The following RABGAP1L variants were observed in gnomAD, a reference collection of about 807,000 sequenced individuals.
The protein encoded by RABGAP1L is RAB GTPase activating protein 1 like, also known as rab GTPase-activating protein 1-like.
In RABGAP1L, 63 loss-of-function variants were observed where a neutral mutation model predicts 137.7. That is an observed-to-expected ratio of 0.46 (90% CI 0.37 to 0.56). The LOEUF (loss-of-function observed/expected upper bound fraction) is 0.56, where lower values mean the gene tolerates loss of function less well. Ranked by LOEUF, RABGAP1L falls within the 20% of genes least tolerant of loss-of-function variation. The probability of loss-of-function intolerance (pLI) is 0.00; values close to 1 mark genes in which losing one functional copy is unlikely to be tolerated. For synonymous variants in RABGAP1L, 431 were observed against 433.7 expected, an observed-to-expected ratio of 0.99 and a Z score of 0.08; for missense variants, 1,095 against 1,244.0, an observed-to-expected ratio of 0.88 and a Z score of 1.80.
At chr1:174,344,659 A>G in intron 11 of RABGAP1L, among the ~76,000 whole-genome samples, 1 of 152,196 alleles carries the variant, frequency 6.6e-6, no homozygotes, top group East Asian at 1.9e-4. Flanking sequence ...TTGTGAGTGC[A>G]CTGGCCACTG....
Position 174,307,310 on chromosome 1 carries a change from A to G in RABGAP1L, c.1465+2183A>G, listed in dbSNP as rs1678374172. On this transcript the variant is annotated intron_variant, in intron 11 of 25. Transcript: ENST00000681986. ...TTAAAACTAAGGTAAAATTCACATA[A>G]CATGAAAATAACATGAAAACTTAAA... is the stretch of plus-strand genomic sequence containing the variant. Among the ~76,000 whole-genome samples the G allele has an allele frequency of 1.3e-5, 2 of 152,114 alleles. 1 individual carries two copies. Among genetic ancestry groups the G allele is most frequent in the South Asian group, 4.1e-4 (2 of 4,834 alleles).
intron 11 of RABGAP1L, among the ~76,000 whole-genome samples, chr1:174,321,639 T>A (rs950094954): frequency 7.9e-5 from 12 of 152,336 alleles, no homozygotes; most frequent in South Asian, 4.1e-4. Flanking sequence ...GGCAAATATA[T>A]GCTCCCATTT....
At chr1:174,619,005 G>A (rs545836366) in intron 13 of RABGAP1L, among the ~76,000 whole-genome samples, 3 of 152,340 alleles carry the variant, frequency 2.0e-5, no homozygotes, top group African/African-American at 7.2e-5. Flanking sequence ...ACAAGCCTCA[G>A]TAGCCGATTT....
chr1:174,350,237 G>T (rs1410895408), intron 11 of RABGAP1L, among the ~76,000 whole-genome samples: 6 of 134,604 alleles, frequency 4.5e-5, no homozygotes, highest in Non-Finnish European at 9.8e-5. Context: ...GGGCGGAGAC[G>T]CTCCTCACTT....
chr1:174,610,873 A>G (rs1572499509), intron 13 of RABGAP1L, among the ~76,000 whole-genome samples: 1 of 152,088 alleles, frequency 6.6e-6, no homozygotes, highest in African/African-American at 2.4e-5. Context: ...GTGTCTGTTC[A>G]TGTCCTTTGC....
chr1:174,176,738 A>AT lies in RABGAP1L; in HGVS notation c.-34+17081_-34+17082insT, dbSNP rs1307771023. Among the ~76,000 whole-genome samples the AT allele has an allele frequency of 8.9e-4, 126 of 141,484 alleles. 3 individuals carry two copies. Among genetic ancestry groups the AT allele is most frequent in the African/African-American group, 1.5e-3 (54 of 36,268 alleles). 92.8% of individuals were successfully genotyped at this position (141,484 alleles called of 152,430 possible). On this transcript the variant is annotated intron_variant, in intron 1 of 25. Coordinates refer to ENST00000681986, the MANE Select transcript of RABGAP1L (RefSeq NM_001366446.1). ...GAAAAAAAAAAAAAAAAAAAAAAAA[A>AT]AAAAAAAAGGTCAACATTTGTTAAT...
intron 13 of RABGAP1L, among the ~76,000 whole-genome samples, chr1:174,550,921 CATATAT>C (rs1386199205): frequency 6.6e-5 from 6 of 90,940 alleles, no homozygotes; most frequent in South Asian, 3.2e-4. Flanking sequence ...CACACACACA[CATATAT>C]ATATACACAT....
rs538544490 is a variant in RABGAP1L at position 174,589,970 on chromosome 1, C to T, written c.1711-47405C>T. ...CTTTCATGGGTTCCATCAAAATTTA[C>T]GATTATTTATTTATATTTCTGTGAA... On this transcript the variant is annotated intron_variant, in intron 13 of 25. Coordinates refer to ENST00000681986, the MANE Select transcript of RABGAP1L (RefSeq NM_001366446.1). Among the ~76,000 whole-genome samples, 6 of 152,052 alleles carry T rather than the reference C, an allele frequency of 3.9e-5. No individual in the cohort carries two copies. The East Asian group carries it at 9.7e-4, about 24-fold the overall frequency.
chr1:174,167,431 C>T (rs1272452889), intron 1 of RABGAP1L, among the ~76,000 whole-genome samples: 3 of 152,058 alleles, frequency 2.0e-5, no homozygotes, highest in African/African-American at 4.8e-5. Flanking sequence ...ATCATTAGTT[C>T]TTGGAATTTG....
chr1:174,954,406 T>C (rs1169873473), intron 19 of RABGAP1L: 2 of 152,224 alleles, frequency 1.3e-5, no homozygotes, highest in African/African-American at 4.8e-5. Flanking sequence ...GAGAGTGTTA[T>C]TGCCTTTTTT....
intron 21 of RABGAP1L, among the ~76,000 whole-genome samples, chr1:174,973,988 T>TG (rs1558297463): frequency 2.7e-5 from 3 of 111,570 alleles, no homozygotes; most frequent in South Asian, 3.5e-4. Context: ...TGTTTTTTTT[T>TG]TTTTTTTTTT....
At chr1:174,589,981 T>C (rs1485132361) in intron 13 of RABGAP1L, among the ~76,000 whole-genome samples, 2 of 152,184 alleles carry the variant, frequency 1.3e-5, no homozygotes, top group African/African-American at 2.4e-5. Flanking sequence ...GATTATTTAT[T>C]TATATTTCTG....
At chr1:174,879,961 C>T (rs1653879197) in intron 19 of RABGAP1L, among the ~76,000 whole-genome samples, 1 of 151,294 alleles carries the variant, frequency 6.6e-6, no homozygotes, top group African/African-American at 2.4e-5. Flanking sequence ...GGCATAGTGG[C>T]GCATGCCCAT....
rs1165322246 is a variant in RABGAP1L at position 174,389,724 on chromosome 1, A to G, written c.1560-4271A>G. Among the ~76,000 whole-genome samples, 3 of 152,116 alleles carry G rather than the reference A, an allele frequency of 2.0e-5. No individual in the cohort carries two copies. In the East Asian group the frequency reaches 5.8e-4, roughly 29 times the overall value. On this transcript the variant is annotated intron_variant, in intron 12 of 25. Transcript: ENST00000681986. The stretch of plus-strand genomic sequence containing the variant: ...TCATTCACTTACCAAAAATGTATTA[A>G]ATGCCTTTTATATGTGGGGCACTGT...
At chr1:174,741,212 A>G (rs1464792306) in intron 17 of RABGAP1L, among the ~76,000 whole-genome samples, 1 of 152,024 alleles carries the variant, frequency 6.6e-6, no homozygotes, top group Non-Finnish European at 1.5e-5. Context: ...CTATAGTATC[A>G]GGTTTTACTT....
intron 14 of RABGAP1L, among the ~76,000 whole-genome samples, chr1:174,683,251 T>C (rs988987072): frequency 6.6e-6 from 1 of 152,046 alleles, no homozygotes; most frequent in African/African-American, 2.4e-5. Context: ...ATAATAGATC[T>C]TTTAATATTA....
At chr1:174,682,271 A>ACTCTCT (rs148219630) in intron 14 of RABGAP1L, among the ~76,000 whole-genome samples, 34 of 140,758 alleles carry the variant, frequency 2.4e-4, no homozygotes, top group East Asian at 6.2e-4. Context: ...ACAAAGCAAA[A>ACTCTCT]CTCTCTCTCT....
chr1:174,398,972 T>C (rs1648218172), intron 13 of RABGAP1L, among the ~76,000 whole-genome samples: 1 of 152,198 alleles, frequency 6.6e-6, no homozygotes, highest in Middle Eastern at 3.2e-3. Flanking sequence ...ATAATAAATA[T>C]TTTCACATTC....
At chr1:174,510,187 C>T (rs1662199781) in intron 13 of RABGAP1L, among the ~76,000 whole-genome samples, 1 of 152,168 alleles carries the variant, frequency 6.6e-6, no homozygotes, top group Non-Finnish European at 1.5e-5. Flanking sequence ...CCTCCTTTTG[C>T]ATATATGCCA....
Sources: gnomAD v4.1 joint callset for allele counts (sites outside exome capture counted in the v4.1 genomes callset) on GRCh38, gnomAD v4.1.1 for gene constraint, MANE v1.5 for transcripts, NCBI Gene and HGNC (gene_info 2026-07-23, HGNC 2026-07-21) for gene names.